The following TIPARP variants were observed in gnomAD, a reference collection of about 807,000 sequenced individuals.
TIPARP encodes protein mono-ADP-ribosyltransferase TIPARP.
TIPARP carries 12 observed loss-of-function variants against 56.5 expected under a neutral mutation model. That is an observed-to-expected ratio of 0.21 (90% CI 0.14 to 0.34). The LOEUF is 0.34. TIPARP is among the 10% of genes least tolerant of loss of function. The pLI, the probability that TIPARP is intolerant of heterozygous loss-of-function variation, is 1.00. For synonymous variants in TIPARP, 296 were observed against 265.7 expected (o/e 1.11, Z -1.11); for missense variants, 604 against 781.6 (o/e 0.77, Z 2.71).
chr3:156,699,508 T>C (rs549819709), intron 4 of TIPARP, among the ~76,000 whole-genome samples: 1 of 152,242 alleles, frequency 6.6e-6, no homozygotes, highest in Admixed American at 6.5e-5. Context: ...AGCAATGAAG[T>C]ATTTTTAAAT....
Position 156,678,444 on chromosome 3 carries a change from C to T in TIPARP, c.747C>T (p.Gly249=), listed in dbSNP as rs1222670429. The T allele has an allele frequency of 3.1e-6, 5 of 1,614,062 alleles. No individual in the cohort carries two copies. Among genetic ancestry groups the T allele is most frequent in the Non-Finnish European group, 4.2e-6 (5 of 1,180,034 alleles). Residue 249 remains glycine, a synonymous_variant, in exon 2 of 6, where the codon GGC becomes GGT. Transcript: ENST00000295924. ...AAATTTGCATGGACTTTCTGCAAGG[C>T]ACTTGTATTTATGGCAGGGATTGTT... ...GIEICMDFLQ[G]TCIYGRDCLK...
intron 2 of TIPARP, among the ~76,000 whole-genome samples, chr3:156,688,026 A>G (rs1722472599): frequency 6.6e-6 from 1 of 152,202 alleles, no homozygotes; most frequent in Non-Finnish European, 1.5e-5. Context: ...AGGTATTCAG[A>G]TAAATCCATG....
intron 2 of TIPARP, among the ~76,000 whole-genome samples, chr3:156,691,390 C>T (rs964118027): frequency 1.1e-4 from 16 of 152,138 alleles, no homozygotes; most frequent in Non-Finnish European, 1.9e-4. Context: ...AATGTACTTG[C>T]CACTGGTGAA....
intron 2 of TIPARP, among the ~76,000 whole-genome samples, chr3:156,690,075 T>C (rs1255708915): frequency 6.6e-6 from 1 of 151,888 alleles, no homozygotes; most frequent in Non-Finnish European, 1.5e-5. Flanking sequence ...TTACTTTGCT[T>C]TTTTTTTGGT....
intron 2 of TIPARP, among the ~76,000 whole-genome samples, chr3:156,690,963 A>G (rs1722559334): frequency 6.6e-6 from 1 of 152,080 alleles, no homozygotes; most frequent in Non-Finnish European, 1.5e-5. Flanking sequence ...TAAATTCCTA[A>G]CCTTATATCT....
intron 2 of TIPARP, among the ~76,000 whole-genome samples, chr3:156,693,435 CT>C (rs1422101774): frequency 6.6e-6 from 1 of 151,730 alleles, no homozygotes; most frequent in Admixed American, 6.6e-5. Flanking sequence ...ATAATCCAAA[CT>C]TTTTTTTTCT....
intron 1 of TIPARP, 74 bp from the exon 2 acceptor site, chr3:156,677,583 A>G: frequency 9.3e-7 from 1 of 1,076,116 alleles, no homozygotes; most frequent in South Asian, 1.8e-5. Flanking sequence ...GACAAAAACA[A>G]AACATTTTAA....
rs77099464 is a variant in TIPARP, at chr3:156,690,503, G to T, written c.918-3517G>T. Among the ~76,000 whole-genome samples the T allele has an allele frequency of 4.4e-3, 665 of 152,172 alleles. 21 individuals are homozygous for T. The East Asian group carries it at 0.077, about 18-fold the overall frequency. On this transcript the variant is annotated intron_variant, in intron 2 of 5. Transcript: ENST00000295924. ...ATAAAGCATCTAAATTATGAGAATG[G>T]GCGTCCTTTTCAGCATTTTAAATTA...
intron 4 of TIPARP, among the ~76,000 whole-genome samples, chr3:156,696,822 C>G (rs1271832122): frequency 6.6e-6 from 1 of 152,136 alleles, no homozygotes; most frequent in Non-Finnish European, 1.5e-5. Flanking sequence ...TATAGGTTTA[C>G]TTGGTTTTAT....
intron 2 of TIPARP, among the ~76,000 whole-genome samples, chr3:156,685,547 C>G (rs1722409263): frequency 6.6e-6 from 1 of 152,162 alleles, no homozygotes; most frequent in African/African-American, 2.4e-5. Flanking sequence ...AATTGAAGTC[C>G]TCTGTTTTGG....
At chr3:156,691,746 T>A (rs571525381) in intron 2 of TIPARP, among the ~76,000 whole-genome samples, 1 of 152,254 alleles carries the variant, frequency 6.6e-6, no homozygotes, top group South Asian at 2.1e-4. Flanking sequence ...AAAAGATAAT[T>A]TAATGTTTTT....
In TIPARP at chr3:156,678,101, T is replaced by C; in HGVS notation, c.404T>C (p.Val135Ala). 6.2e-7 allele frequency: 1 copy of C among 1,614,034 alleles called. No individual in the cohort carries two copies. Among genetic ancestry groups the C allele is most frequent in the Non-Finnish European group, 8.5e-7 (1 of 1,180,014 alleles). Reference protein sequence around the residue: ...HPSTEAPERVVPIQDHSFPSE... With the variant: ...HPSTEAPERVAPIQDHSFPSE... ...TCCACTGAAGCTCCAGAACGAGTGG[T>C]TCCAATCCAAGATCACAGCTTTCCA... Residue 135 changes from valine to alanine, a missense_variant, in exon 2 of 6, where the codon GTT (valine) becomes GCT (alanine). By Grantham distance (64) the Val-to-Ala change is moderately conservative. Around this residue, in one of 4 missense-constraint regions of TIPARP, gnomAD observed 261 missense variants for 279.2 expected, o/e 0.93. Coordinates refer to ENST00000295924, the MANE Select transcript of TIPARP (RefSeq NM_015508.5).
chr3:156,676,890 G>A (rs1182235782), intron 1 of TIPARP, among the ~76,000 whole-genome samples: 18 of 152,176 alleles, frequency 1.2e-4, no homozygotes. Context: ...CAAGAACTAG[G>A]AGGCTTTTTC....
Position 156,682,959 on chromosome 3 carries a change from T to C in TIPARP, c.917+4345T>C, listed in dbSNP as rs145118400. 1.7e-3 allele frequency among the ~76,000 whole-genome samples: 265 copies of C among 152,350 alleles called. 1 individual carries two copies. Among genetic ancestry groups the C allele is most frequent in the South Asian group, 5.2e-3 (25 of 4,830 alleles). On this transcript the variant is annotated intron_variant, in intron 2 of 5. Transcript: ENST00000295924. ...CTATTTACATATGAAATAAAACTAATTGGCTTCTGTCTATACTAACCCAGA... is the reference window on the plus strand; with the variant it reads ...CTATTTACATATGAAATAAAACTAACTGGCTTCTGTCTATACTAACCCAGA...
chr3:156,688,582 A>G (rs1329549777), intron 2 of TIPARP, among the ~76,000 whole-genome samples: 1 of 152,048 alleles, frequency 6.6e-6, no homozygotes. Flanking sequence ...CTTCTAAAGA[A>G]GAAAGTTACG....
chr3:156,703,390 GT>G (rs1223995430), intron 4 of TIPARP, 33 bp from the exon 5 acceptor site: 1 of 1,605,538 alleles, frequency 6.2e-7, no homozygotes. Flanking sequence ...ATTTCTTAAT[GT>G]TTTACATTGA....
rs940914176 is a variant in TIPARP at position 156,706,412 on chromosome 3, T to C, written c.*1281T>C. ...GGTTATATCATTTACACAAAACTTT[T>C]CAGGAACTTCTGTGTTGTTTAAGCA... On this transcript the variant is annotated 3_prime_UTR_variant, in exon 6 of 6. Transcript: ENST00000295924. 1 of 152,678 alleles carries C rather than the reference T, an allele frequency of 6.5e-6. No individual in the cohort carries two copies. 9.5% of individuals were successfully genotyped at this position (152,678 alleles called of 1,614,324 possible).
chr3:156,695,741 G>T, intron 3 of TIPARP, 124 bp from the exon 4 acceptor site: 1 of 1,309,404 alleles, frequency 7.6e-7, no homozygotes, highest in East Asian at 2.7e-5. Context: ...GAGTTATTTA[G>T]ACTCACTGTA....
In TIPARP at chr3:156,703,456, C is replaced by T. The variant is rs1722900937; in HGVS notation, c.1280C>T (p.Pro427Leu). 1 of 1,614,206 alleles carries T rather than the reference C, an allele frequency of 6.2e-7. No individual in the cohort carries two copies. Among genetic ancestry groups the T allele is most frequent in the Non-Finnish European group, 8.5e-7 (1 of 1,180,036 alleles). Residue 427 changes from proline to leucine, a missense_variant, in exon 5 of 6, where the codon CCA (proline) becomes CTA (leucine). Pro to Leu is a moderately conservative substitution (Grantham distance 98). Around this residue, in one of 4 missense-constraint regions of TIPARP, gnomAD observed 252 missense variants for 303.9 expected, o/e 0.83. Coordinates refer to ENST00000295924, the MANE Select transcript of TIPARP (RefSeq NM_015508.5). ...GGTGGGGTTCCCACACAAGCTCCTC[C>T]ACCTCTTGAAGCAACTTCATCATCA... ...TLGGVPTQAP[P>L]PLEATSSSQI...
Sources: allele counts gnomAD v4.1 joint callset (sites outside exome capture counted in the v4.1 genomes callset), GRCh38; gene constraint gnomAD v4.1.1; regional missense constraint gnomAD v4.1.1; transcripts MANE v1.5; gene names NCBI Gene and HGNC (gene_info 2026-07-23, HGNC 2026-07-21).